ANKRD30B: variants seen among roughly 807,000 people sequenced by gnomAD.
The protein encoded by ANKRD30B is ankyrin repeat domain-containing protein 30B.
A neutral mutation model predicts 202.2 loss-of-function variants in ANKRD30B; 144 were observed. That is an observed-to-expected ratio of 0.71 (90% confidence interval 0.62 to 0.82). ANKRD30B has a LOEUF of 0.82. Among genes scored for constraint, ANKRD30B ranks in the 40% least tolerant of loss-of-function variants. The pLI is 0.00. For missense variants in ANKRD30B, 1,487 were observed against 1,669.1 expected (o/e 0.89, Z 1.90); for synonymous variants, 508 against 561.3 (o/e 0.91, Z 1.34).
At chr18:14,931,859 C>A in the ANKRD30B span, among the ~76,000 whole-genome samples, 1 of 132,044 alleles carries the variant, frequency 7.6e-6, no homozygotes, top group African/African-American at 2.8e-5. Flanking sequence ...GAGGGCAGAG[C>A]AGTGGCATTA....
intron 18 of ANKRD30B, 21 bp from the exon 19 acceptor site, chr18:14,797,640 T>C (rs1401072826): frequency 9.4e-6 from 15 of 1,601,252 alleles, no homozygotes; most frequent in Non-Finnish European, 1.2e-5. Flanking sequence ...TAATCAATTA[T>C]AAATGTCCCT....
chr18:14,754,637 G>A (rs750122792), intron 3 of ANKRD30B, among the ~76,000 whole-genome samples: 1 of 152,120 alleles, frequency 6.6e-6, no homozygotes, highest in Non-Finnish European at 1.5e-5. Flanking sequence ...TCTTGGTTTA[G>A]ATGGGAAACC....
intron 9 of ANKRD30B, among the ~76,000 whole-genome samples, chr18:14,772,460 T>TG (rs1490089757): frequency 2.6e-5 from 4 of 151,916 alleles, no homozygotes. Context: ...AAAAATGGAA[T>TG]GGGCTGGAGA....
intron 39 of ANKRD30B, among the ~76,000 whole-genome samples, chr18:14,847,389 T>G (rs1273189566): frequency 6.6e-6 from 1 of 150,420 alleles, no homozygotes; most frequent in Non-Finnish European, 1.5e-5. Context: ...TAGAATATAT[T>G]TAGCCAATTT....
At chr18:14,866,632 A>T in the ANKRD30B span, among the ~76,000 whole-genome samples, 2 of 151,984 alleles carry the variant, frequency 1.3e-5, no homozygotes, top group Admixed American at 1.3e-4. Context: ...TAGTAGAAAG[A>T]TGGCAGGGTA....
intron 39 of ANKRD30B, among the ~76,000 whole-genome samples, chr18:14,845,358 A>G (rs1459044096): frequency 1.3e-5 from 2 of 152,300 alleles, no homozygotes; most frequent in African/African-American, 4.8e-5. Flanking sequence ...AATTCTTTTC[A>G]CATTGCTTTT....
intron 26 of ANKRD30B, among the ~76,000 whole-genome samples, chr18:14,809,254 G>A (rs1402911177): frequency 3.3e-5 from 5 of 150,794 alleles, no homozygotes; most frequent in African/African-American, 1.2e-4. Context: ...CAGTACACAG[G>A]GATAAGAATT....
chr18:14,924,776 G>A, the ANKRD30B span, among the ~76,000 whole-genome samples: 2 of 152,332 alleles, frequency 1.3e-5, no homozygotes, highest in East Asian at 1.9e-4. Flanking sequence ...CAGAGGGATC[G>A]GGGGAAGATT....
At chr18:14,842,602 T>A (rs1256669338) in intron 37 of ANKRD30B, among the ~76,000 whole-genome samples, 4 of 152,286 alleles carry the variant, frequency 2.6e-5, no homozygotes, top group Non-Finnish European at 5.9e-5. Flanking sequence ...CAAAGATCAT[T>A]TCTCTTTTCA....
intron 28 of ANKRD30B, among the ~76,000 whole-genome samples, chr18:14,810,443 T>C (rs1440020282): frequency 1.3e-5 from 2 of 151,310 alleles, no homozygotes; most frequent in Non-Finnish European, 1.5e-5. Context: ...TTGCAATTTC[T>C]GTACGTGCTC....
chr18:14,916,967 T>A, the ANKRD30B span, among the ~76,000 whole-genome samples: 121 of 152,234 alleles, frequency 7.9e-4, 1 homozygote, highest in African/African-American at 2.8e-3. Flanking sequence ...CGGTCATCAG[T>A]CTCTAAATCC....
the ANKRD30B span, among the ~76,000 whole-genome samples, chr18:14,879,643 G>A: frequency 4.0e-5 from 6 of 151,616 alleles, no homozygotes; most frequent in African/African-American, 9.7e-5. Context: ...AGGAGTCAAC[G>A]TTTAGAGTTA....
chr18:14,862,995 A>G, the ANKRD30B span, among the ~76,000 whole-genome samples: 3,213 of 152,356 alleles, frequency 0.021, 49 homozygotes, highest in Non-Finnish European at 0.033. Context: ...CCTGTACTGC[A>G]TTGAATATTG....
At chr18:14,841,346 T>A (rs1318967829) in intron 37 of ANKRD30B, among the ~76,000 whole-genome samples, 3 of 152,136 alleles carry the variant, frequency 2.0e-5, no homozygotes, top group African/African-American at 4.8e-5. Flanking sequence ...CTGGCATTTT[T>A]AATAAATTCT....
chr18:14,921,786 G>A, the ANKRD30B span, among the ~76,000 whole-genome samples: 1 of 152,092 alleles, frequency 6.6e-6, no homozygotes, highest in Admixed American at 6.6e-5. Context: ...CAGAGCTGCC[G>A]GCTCTGCCTA....
intron 34 of ANKRD30B, among the ~76,000 whole-genome samples, 167 bp downstream of exon 34, chr18:14,831,622 T>C (rs988544450): frequency 6.9e-6 from 1 of 145,856 alleles, no homozygotes; most frequent in East Asian, 2.0e-4. Context: ...ATTTAAACAG[T>C]TTTTTTTTTG....
the ANKRD30B span, among the ~76,000 whole-genome samples, chr18:14,935,326 A>T: frequency 6.6e-6 from 1 of 152,182 alleles, no homozygotes; most frequent in Non-Finnish European, 1.5e-5. Flanking sequence ...TCTTTTTCAC[A>T]ACCAAGTTAA....
At chr18:14,838,816 T>G (rs1971288781) in intron 36 of ANKRD30B, among the ~76,000 whole-genome samples, 1 of 152,356 alleles carries the variant, frequency 6.6e-6, no homozygotes, top group East Asian at 1.9e-4. Flanking sequence ...CATATCTACC[T>G]CTTAGTTGCA....
At chr18:14,888,302 C>T in the ANKRD30B span, among the ~76,000 whole-genome samples, 93 of 151,958 alleles carry the variant, frequency 6.1e-4, no homozygotes, top group Middle Eastern at 3.4e-3. Flanking sequence ...TCTGATATAC[C>T]TTATGTAACA....
Sources: gnomAD v4.1 joint callset for allele counts (sites outside exome capture counted in the v4.1 genomes callset) on GRCh38, gnomAD v4.1.1 for gene constraint, MANE v1.5 for transcripts, NCBI Gene and HGNC (gene_info 2026-07-23, HGNC 2026-07-21) for gene names.